The following CHRAC1 variants were observed in gnomAD, a reference collection of about 807,000 sequenced individuals.
CHRAC1 encodes chromatin accessibility complex protein 1.
A neutral mutation model predicts 9.1 loss-of-function variants in CHRAC1; 6 were observed. The ratio of observed to expected loss-of-function variants is 0.66; its 90% CI spans 0.36 to 1.29. The LOEUF (loss-of-function observed/expected upper bound fraction) is 1.29, where lower values mean the gene tolerates loss of function less well. CHRAC1 is among the 50% of genes most tolerant of loss of function. The probability of loss-of-function intolerance (pLI) is 0.03; values close to 1 mark genes in which losing one functional copy is unlikely to be tolerated. For missense variants in CHRAC1, 168 were observed against 163.5 expected, an observed-to-expected ratio of 1.03 and a Z score of -0.15; for synonymous variants, 73 against 64.5, an observed-to-expected ratio of 1.13 and a Z score of -0.63.
Position 140,517,119 on chromosome 8 carries a change from T to C in CHRAC1, c.*1872T>C, listed in dbSNP as rs1179305355. 1 of 152,214 alleles carries C rather than the reference T, an allele frequency of 6.6e-6. No individual in the cohort carries two copies. The highest frequency in any genetic ancestry group is 2.4e-5 in the African/African-American group (1 of 41,458). The allele number at this position is 152,214 out of a possible 1,614,324, so 9.4% of individuals were successfully genotyped here. ...TTAATAATGTAAATACTTGCTAGCT[T>C]ATGTGCCATTAAAAAATGACTTGAT... is the stretch of plus-strand genomic sequence containing the variant. On this transcript the variant is annotated 3_prime_UTR_variant, in exon 3 of 3. Coordinates refer to ENST00000220913, the MANE Select transcript of CHRAC1 (RefSeq NM_017444.6).
chr8:140,514,174 A>C, intron 1 of CHRAC1, 195 bp from the exon 2 acceptor site: 1 of 463,732 alleles, frequency 2.2e-6, no homozygotes, highest in South Asian at 2.6e-5. Flanking sequence ...CCAAAGTGTT[A>C]GTATTACCAG....
chr8:140,514,822 T>G, intron 2 of CHRAC1: 1 of 369,100 alleles, frequency 2.7e-6, no homozygotes, highest in Non-Finnish European at 4.9e-6. Flanking sequence ...ATGGCCGTAG[T>G]TAGAGCTTAA....
intron 1 of CHRAC1, 96 bp downstream of exon 1, chr8:140,511,742 C>A: frequency 8.8e-7 from 1 of 1,134,604 alleles, no homozygotes; most frequent in Non-Finnish European, 1.1e-6. Context: ...GCCCGCGCGC[C>A]GCCGGCTGCT....
Position 140,511,418 on chromosome 8 carries a change from C to T in CHRAC1, c.-82C>T, listed in dbSNP as rs2072271197. The T allele has an allele frequency of 9.1e-6, 11 of 1,214,684 alleles. No individual in the cohort carries two copies. The highest frequency in any genetic ancestry group is 1.6e-5 in the African/African-American group (1 of 63,146). The allele number at this position is 1,214,684 out of a possible 1,614,324, so 75.2% of individuals were successfully genotyped here. ...CCACGGGGCAGCGGGCGCGGCTCCCCGTACCCACCAGCTGGCCGGGCAGGG... is the reference window on the plus strand; with the variant it reads ...CCACGGGGCAGCGGGCGCGGCTCCCTGTACCCACCAGCTGGCCGGGCAGGG... On this transcript the variant is annotated 5_prime_UTR_variant, in exon 1 of 3. Transcript: ENST00000220913.
chr8:140,515,376 T>C lies in CHRAC1; in HGVS notation c.*129T>C. ...CACAGAGTTCCAGTGTGTGGTATTC[T>C]TTCGAGGTATTCTTTCCAGGCCGAG... On this transcript the variant is annotated 3_prime_UTR_variant, in exon 3 of 3. Coordinates refer to ENST00000220913, the MANE Select transcript of CHRAC1 (RefSeq NM_017444.6). 1.0e-6 allele frequency: 1 copy of C among 958,458 alleles called. No homozygotes were observed. 59.4% of individuals were successfully genotyped at this position (958,458 alleles called of 1,614,324 possible). A position where few individuals can be genotyped will look rare whatever the true frequency, so the allele number is the denominator to read the frequency against.
At chr8:140,512,110 G>T in intron 1 of CHRAC1, 3 of 1,045,468 alleles carry the variant, frequency 2.9e-6, no homozygotes, top group South Asian at 2.8e-5. Context: ...CTCAGTTTCC[G>T]GCCCTACCCG....
In CHRAC1 at chr8:140,515,126, A is replaced by G. The variant is rs1315722537; in HGVS notation, c.275A>G (p.Asp92Gly). The part of the protein sequence containing the change: ...QQSETFQFLA[D>G]ILPKKILASK... Reference sequence around the variant, plus strand: ...CTGATGTACGCTTTATGTTTTTAAGATATATTACCAAAGAAGATTTTAGCT... The same window carrying G: ...CTGATGTACGCTTTATGTTTTTAAGGTATATTACCAAAGAAGATTTTAGCT... The change falls in exon 3 of 3, where the codon GAT (aspartate) becomes GGT (glycine). Residue 92 changes from aspartate to glycine, a missense_variant and splice_region_variant. Transcript: ENST00000220913. 1 of 1,611,408 alleles carries G rather than the reference A, an allele frequency of 6.2e-7. No individual in the cohort carries two copies. Among genetic ancestry groups the G allele is most frequent in the Non-Finnish European group, 8.5e-7 (1 of 1,177,770 alleles).
intron 2 of CHRAC1, 99 bp from the exon 3 acceptor site, chr8:140,515,027 T>TA: frequency 2.6e-6 from 3 of 1,163,720 alleles, no homozygotes; most frequent in Non-Finnish European, 2.5e-6. Flanking sequence ...TGGAACCTCT[T>TA]ATAGAGGTCA....
At chr8:140,513,311 A>C (rs775490368) in intron 1 of CHRAC1, among the ~76,000 whole-genome samples, 3 of 152,264 alleles carry the variant, frequency 2.0e-5, no homozygotes, top group Non-Finnish European at 2.9e-5. Context: ...AGTTTTGGCA[A>C]AATGTAAGCT....
At chr8:140,512,802 A>G (rs1396653238) in intron 1 of CHRAC1, among the ~76,000 whole-genome samples, 1 of 152,236 alleles carries the variant, frequency 6.6e-6, no homozygotes, top group Non-Finnish European at 1.5e-5. Flanking sequence ...GTATTAAGGA[A>G]TGAGGATTTA....
chr8:140,511,888 C>A, intron 1 of CHRAC1: 1 of 863,590 alleles, frequency 1.2e-6, no homozygotes, highest in Non-Finnish European at 1.7e-6. Context: ...CCAGTTTCTT[C>A]GCCTCGCCTA....
Position 140,511,595 on chromosome 8 carries a change from C to A in CHRAC1, c.96C>A (p.Pro32=). ...TCCGGGTCATCATGAAGAGCTCCCCCGAGGTGTCCAGCATCAACCAGGAGG... is the reference window on the plus strand; with the variant it reads ...TCCGGGTCATCATGAAGAGCTCCCCAGAGGTGTCCAGCATCAACCAGGAGG... ...SRIRVIMKSS[P]EVSSINQEAL... is the part of the protein sequence containing the mutation. The change falls in exon 1 of 3, where the codon CCC becomes CCA. Residue 32 remains proline, a synonymous_variant. Transcript: ENST00000220913. 6.7e-7 allele frequency: 1 copy of A among 1,490,000 alleles called. No homozygotes were observed. Among genetic ancestry groups the A allele is most frequent in the Non-Finnish European group, 9.0e-7 (1 of 1,114,322 alleles). The allele number at this position is 1,490,000 out of a possible 1,614,324, so 92.3% of individuals were successfully genotyped here.
At chr8:140,511,895 CCTACCGCGCGCCT>C (rs1433137529) in intron 1 of CHRAC1, 1 of 934,062 alleles carries the variant, frequency 1.1e-6, no homozygotes. Flanking sequence ...CTTCGCCTCG[CCTACCGCGCGCCT>C]CTCCCGCCCT....
At chr8:140,514,016 C>G (rs1175378897) in intron 1 of CHRAC1, among the ~76,000 whole-genome samples, 1 of 148,936 alleles carries the variant, frequency 6.7e-6, no homozygotes, top group African/African-American at 2.5e-5. Context: ...AGGCGATTCG[C>G]CTGCCTCAGC....
In CHRAC1 at chr8:140,511,543, G is replaced by T; in HGVS notation, c.44G>T (p.Arg15Leu). 1 of 1,426,302 alleles carries T rather than the reference G, an allele frequency of 7.0e-7. No individual in the cohort carries two copies. Among genetic ancestry groups the T allele is most frequent in the South Asian group, 1.5e-5 (1 of 65,324 alleles). The allele number at this position is 1,426,302 out of a possible 1,614,324, so 88.4% of individuals were successfully genotyped here. ...GGTAAAGACAAGGGCGGGGAGCAGC[G>T]GCTCATCTCGCTGCCTCTATCCCGC... The part of the protein sequence containing the change: ...VVGKDKGGEQ[R>L]LISLPLSRIR... Residue 15 changes from arginine to leucine, a missense_variant, in exon 1 of 3, where the codon CGG becomes CTG. Coordinates refer to ENST00000220913, the MANE Select transcript of CHRAC1 (RefSeq NM_017444.6).
Position 140,515,370 on chromosome 8 carries a change from G to T in CHRAC1, c.*123G>T. The T allele has an allele frequency of 3.1e-6, 3 of 961,508 alleles. No homozygotes were observed. Among genetic ancestry groups the T allele is most frequent in the Non-Finnish European group, 4.7e-6 (3 of 642,860 alleles). The allele number at this position is 961,508 out of a possible 1,614,324, so 59.6% of individuals were successfully genotyped here. On this transcript the variant is annotated 3_prime_UTR_variant, in exon 3 of 3. Coordinates refer to ENST00000220913, the MANE Select transcript of CHRAC1 (RefSeq NM_017444.6). ...CTTCTTCACAGAGTTCCAGTGTGTG[G>T]TATTCTTTCGAGGTATTCTTTCCAG...
chr8:140,517,031 C>CAA lies in CHRAC1; in HGVS notation c.*1786_*1787dup, dbSNP rs2072346153. ...GTGTTTCAATAGAGCTTTATTTCTG[C>CAA]AAACTGAAACTTGAGTTTTGTGTAA... On this transcript the variant is annotated 3_prime_UTR_variant, in exon 3 of 3. Transcript: ENST00000220913. 1 of 152,160 alleles carries CAA rather than the reference C, an allele frequency of 6.6e-6. No individual in the cohort carries two copies. Among genetic ancestry groups the CAA allele is most frequent in the African/African-American group, 2.4e-5 (1 of 41,430 alleles). 9.4% of individuals were successfully genotyped at this position (152,160 alleles called of 1,614,324 possible).
intron 2 of CHRAC1, 166 bp from the exon 3 acceptor site, chr8:140,514,960 C>A: frequency 1.5e-6 from 1 of 663,882 alleles, no homozygotes; most frequent in Non-Finnish European, 2.6e-6. Context: ...CGTTAGGAGA[C>A]AATGCTAGTT....
In CHRAC1 at chr8:140,515,367, G is replaced by A. The variant is rs1449555654; in HGVS notation, c.*120G>A. The A allele has an allele frequency of 1.5e-5, 15 of 975,972 alleles. No individual in the cohort carries two copies. Among genetic ancestry groups the A allele is most frequent in the Admixed American group, 7.0e-5 (3 of 42,900 alleles). 60.5% of individuals were successfully genotyped at this position (975,972 alleles called of 1,614,324 possible). A position where few individuals can be genotyped will look rare whatever the true frequency, so the allele number is the denominator to read the frequency against. ...TCACTTCTTCACAGAGTTCCAGTGTGTGGTATTCTTTCGAGGTATTCTTTC... is the reference window on the plus strand; with the variant it reads ...TCACTTCTTCACAGAGTTCCAGTGTATGGTATTCTTTCGAGGTATTCTTTC... On this transcript the variant is annotated 3_prime_UTR_variant, in exon 3 of 3. Coordinates refer to ENST00000220913, the MANE Select transcript of CHRAC1 (RefSeq NM_017444.6).
Sources: allele counts gnomAD v4.1 joint callset (sites outside exome capture counted in the v4.1 genomes callset), GRCh38; gene constraint gnomAD v4.1.1; transcripts MANE v1.5; gene names NCBI Gene and HGNC (gene_info 2026-07-23, HGNC 2026-07-21).